Variants in PALD1 observed in about 807,000 individuals in gnomAD.
The protein encoded by PALD1 is phosphatase domain containing paladin 1.
PALD1 carries 57 observed loss-of-function variants against 96.0 expected under a neutral mutation model. That is an observed-to-expected ratio of 0.59 (90% CI 0.48 to 0.74). PALD1 has a LOEUF of 0.74. PALD1 is among the 30% of genes least tolerant of loss of function. The probability of loss-of-function intolerance (pLI) is 0.00; values close to 1 mark genes in which losing one functional copy is unlikely to be tolerated. For missense variants in PALD1, 1,063 were observed against 1,143.7 expected (o/e 0.93, Z 1.02); for synonymous variants, 464 against 473.6 (o/e 0.98, Z 0.26).
intron 18 of PALD1, 98 bp downstream of exon 18, chr10:70,547,544 T>TAGGACC: frequency 4.7e-6 from 4 of 843,568 alleles, no homozygotes; most frequent in Non-Finnish European, 6.9e-6. Context: ...TTGCTAGGGG[T>TAGGACC]CCTAGGGGCC....
chr10:70,479,791 G>T (rs1845897618), intron 1 of PALD1, among the ~76,000 whole-genome samples: 1 of 152,232 alleles, frequency 6.6e-6, no homozygotes. Flanking sequence ...TCTGGGTAGA[G>T]TAACCTGAAC....
chr10:70,474,960 C>G (rs542712554), upstream of PALD1, among the ~76,000 whole-genome samples: 4 of 152,106 alleles, frequency 2.6e-5, no homozygotes, highest in South Asian at 8.3e-4. Flanking sequence ...AACTCAGCCT[C>G]CAAACACCCC....
At chr10:70,507,189 A>G (rs1846408211) in intron 1 of PALD1, among the ~76,000 whole-genome samples, 1 of 151,356 alleles carries the variant, frequency 6.6e-6, no homozygotes, top group African/African-American at 2.4e-5. Context: ...ATCACCTGAG[A>G]TCGGGAGTTC....
At chr10:70,506,865 G>A (rs1846401324) in intron 1 of PALD1, among the ~76,000 whole-genome samples, 1 of 152,278 alleles carries the variant, frequency 6.6e-6, no homozygotes, top group East Asian at 1.9e-4. Context: ...TGGCCTCCAT[G>A]TGTCCTCCTC....
rs565749608 is a variant in PALD1, at chr10:70,552,117, A to G, written c.2262+4671A>G. Among the ~76,000 whole-genome samples, 111 of 152,326 alleles carry G rather than the reference A, an allele frequency of 7.3e-4. 1 individual carries two copies. The South Asian group carries it at 0.022, about 30-fold the overall frequency. On this transcript the variant is annotated intron_variant, in intron 18 of 19. Coordinates refer to ENST00000263563, the MANE Select transcript of PALD1 (RefSeq NM_014431.3). ...AGTGCTGGGCCCTGGGCGGACACTG[A>G]GTAGGGACCGGTGATGAAAGGTGCG...
chr10:70,466,955 G>T, the PALD1 span, among the ~76,000 whole-genome samples: 1 of 152,182 alleles, frequency 6.6e-6, no homozygotes, highest in East Asian at 1.9e-4. Flanking sequence ...GTAAGGAAAT[G>T]GTGGGCATTT....
At chr10:70,476,977 ATGTT>A (rs1318806653), upstream of PALD1, among the ~76,000 whole-genome samples, 1 of 152,110 alleles carries the variant, frequency 6.6e-6, no homozygotes, top group Non-Finnish European at 1.5e-5. Context: ...ATAGGTATGC[ATGTT>A]TATGTATATA....
At chr10:70,471,628 C>T in the PALD1 span, among the ~76,000 whole-genome samples, 1 of 152,354 alleles carries the variant, frequency 6.6e-6, no homozygotes, top group African/African-American at 2.4e-5. Flanking sequence ...TTTCAATCTT[C>T]TCTTTCATCA....
chr10:70,560,311 T>C (rs893554494), intron 18 of PALD1, among the ~76,000 whole-genome samples: 2 of 151,872 alleles, frequency 1.3e-5, no homozygotes, highest in Non-Finnish European at 2.9e-5. Flanking sequence ...GGCTTGACTG[T>C]GGCCAAGTGG....
chr10:70,529,224 C>CA lies in PALD1; in HGVS notation c.186-5_186-4insA. 2 of 300,610 alleles carry CA rather than the reference C, an allele frequency of 6.7e-6. No individual in the cohort carries two copies. Among genetic ancestry groups the CA allele is most frequent in the East Asian group, 9.4e-5 (1 of 10,620 alleles). The allele number at this position is 300,610 out of a possible 1,614,324, so 18.6% of individuals were successfully genotyped here. A position where few individuals can be genotyped will look rare whatever the true frequency, so the allele number is the denominator to read the frequency against. ...TTCCATTCTGCCCCCCCCCCCCCCCCCCAGGTACAACTGCAAGGAGGAGTT... is the reference window on the plus strand; with the variant it reads ...TTCCATTCTGCCCCCCCCCCCCCCCCACCAGGTACAACTGCAAGGAGGAGTT... On this transcript the variant is annotated splice_region_variant and splice_polypyrimidine_tract_variant and intron_variant, in intron 2 of 19. Transcript: ENST00000263563.
chr10:70,546,172 G>T (rs1328055467), intron 17 of PALD1, among the ~76,000 whole-genome samples: 1 of 150,366 alleles, frequency 6.7e-6, no homozygotes, highest in Non-Finnish European at 1.5e-5. Flanking sequence ...AAGAGGCAGA[G>T]GTTGCAGTGA....
rs1847192933 is a variant in PALD1 at position 70,539,511 on chromosome 10, C to T, written c.1726-69C>T. 5 of 1,401,740 alleles carry T rather than the reference C, an allele frequency of 3.6e-6. No individual in the cohort carries two copies. The South Asian group carries it at 4.1e-5, about 12-fold the overall frequency. The allele number at this position is 1,401,740 out of a possible 1,614,324, so 86.8% of individuals were successfully genotyped here. On this transcript the variant is annotated intron_variant, in intron 14 of 19. Coordinates refer to ENST00000263563, the MANE Select transcript of PALD1 (RefSeq NM_014431.3). This position sits in a 1 kb window ranked among gnomAD's most constrained non-coding sequence, Gnocchi z 4.5. The stretch of plus-strand genomic sequence containing the variant: ...CAGGGCCAGGCCTGGCCATGGCAGG[C>T]TGTGGCCTTTCAGGGCTAGCCTAGA...
intron 18 of PALD1, among the ~76,000 whole-genome samples, chr10:70,553,946 T>C (rs958999462): frequency 1.3e-5 from 2 of 152,196 alleles, no homozygotes; most frequent in Non-Finnish European, 2.9e-5. Context: ...TGGGGACATA[T>C]TTTCCACTGG....
rs754221897 is a variant in PALD1, at chr10:70,526,011, C to A, written c.60C>A (p.Gly20=). 1.9e-6 allele frequency: 3 copies of A among 1,614,174 alleles called. No homozygotes were observed. Among genetic ancestry groups the A allele is most frequent in the East Asian group, 4.5e-5 (2 of 44,882 alleles). The change falls in exon 2 of 20, where the codon GGC becomes GGA. Residue 20 remains glycine (G), a synonymous_variant. Transcript: ENST00000263563. The part of the protein sequence containing the change: ...QTVSAGTPFE[G]LQGSGTMDSR... The stretch of plus-strand genomic sequence containing the variant: ...TCTCGGCAGGCACCCCATTTGAGGG[C>A]CTACAGGGCAGTGGCACGATGGACA...
chr10:70,476,235 G>A (rs1464490519), upstream of PALD1, among the ~76,000 whole-genome samples: 2 of 152,202 alleles, frequency 1.3e-5, no homozygotes, highest in East Asian at 3.9e-4. Context: ...AGTTTGAGAG[G>A]CTCAAATGGG....
At chr10:70,559,918 A>G (rs1271730527) in intron 18 of PALD1, among the ~76,000 whole-genome samples, 1 of 151,742 alleles carries the variant, frequency 6.6e-6, no homozygotes, top group Non-Finnish European at 1.5e-5. Flanking sequence ...AGCCAGGACA[A>G]GAGGGCCTGG....
the PALD1 span, among the ~76,000 whole-genome samples, chr10:70,465,962 T>G: frequency 6.6e-6 from 1 of 152,108 alleles, no homozygotes; most frequent in Non-Finnish European, 1.5e-5. Flanking sequence ...CTCTTCTGAG[T>G]GGGGTTTGGA....
chr10:70,502,148 A>T (rs1846312047), intron 1 of PALD1, among the ~76,000 whole-genome samples: 1 of 150,090 alleles, frequency 6.7e-6, no homozygotes. Flanking sequence ...AAAAATACAG[A>T]CTCCTGTATC....
chr10:70,534,334 C>A, intron 8 of PALD1, 91 bp from the exon 9 acceptor site: 1 of 870,580 alleles, frequency 1.1e-6, no homozygotes, highest in Non-Finnish European at 1.8e-6. Context: ...AGTCTGGTGT[C>A]CCCCAGCGGC....
Sources: gnomAD v4.1 joint callset for allele counts (sites outside exome capture counted in the v4.1 genomes callset) on GRCh38, gnomAD v4.1.1 for gene constraint, Gnocchi (gnomAD v3.1) non-coding constraint, MANE v1.5 for transcripts, NCBI Gene and HGNC (gene_info 2026-07-23, HGNC 2026-07-21) for gene names.